The following AFDN variants were observed in gnomAD, a reference collection of about 807,000 sequenced individuals.
The protein encoded by AFDN is afadin.
Under a neutral mutation model 216.6 loss-of-function variants are expected in AFDN, and 68 were observed. That is an observed-to-expected ratio of 0.31 (90% CI 0.26 to 0.38). AFDN has a LOEUF of 0.38. Among genes scored for constraint, AFDN ranks in the 10% least tolerant of loss-of-function variants. The pLI is 1.00. For missense variants in AFDN, 2,136 were observed against 2,342.0 expected (o/e 0.91, Z 1.82); for synonymous variants, 868 against 853.7 (o/e 1.02, Z -0.29).
intron 32 of AFDN, chr6:167,966,259 G>A (rs1369003044): frequency 6.6e-7 from 1 of 1,524,114 alleles, no homozygotes. Flanking sequence ...TACCATCCCA[G>A]CCACTGCAAA....
chr6:167,912,904 G>A (rs75697638), intron 15 of AFDN, among the ~76,000 whole-genome samples: 20,532 of 152,198 alleles, frequency 0.13, 1,717 homozygotes, highest in African/African-American at 0.22. Context: ...TAGTATAGGT[G>A]TAAGTTATTT....
chr6:167,894,833 T>C (rs1368490880), intron 9 of AFDN, among the ~76,000 whole-genome samples: 3 of 152,216 alleles, frequency 2.0e-5, no homozygotes, highest in African/African-American at 7.2e-5. Context: ...TAAGAGACCT[T>C]TCAGAAGCAT....
intron 9 of AFDN, among the ~76,000 whole-genome samples, chr6:167,896,242 A>C (rs1788233561): frequency 6.6e-6 from 1 of 151,870 alleles, no homozygotes; most frequent in Non-Finnish European, 1.5e-5. Flanking sequence ...AAAAAAGCCA[A>C]AAAACCCAGT....
chr6:167,898,706 T>G (rs745720519), intron 11 of AFDN, among the ~76,000 whole-genome samples: 7 of 152,246 alleles, frequency 4.6e-5, no homozygotes, highest in Non-Finnish European at 7.3e-5. Flanking sequence ...ATTTAAACTT[T>G]GTTTTTTAGC....
chr6:167,846,207 C>CT (rs1446963309), intron 1 of AFDN, among the ~76,000 whole-genome samples: 2 of 151,592 alleles, frequency 1.3e-5, no homozygotes, highest in East Asian at 3.9e-4. Flanking sequence ...CTTGGGCGGT[C>CT]TTTTTTTTCC....
At chr6:167,911,729 TG>T (rs1790422772) in intron 15 of AFDN, 1 of 502,836 alleles carries the variant, frequency 2.0e-6, no homozygotes, top group Non-Finnish European at 3.6e-6. Flanking sequence ...TAGTAATAGT[TG>T]TGAGAAAGTG....
intron 23 of AFDN, among the ~76,000 whole-genome samples, chr6:167,927,261 A>G (rs1180212584): frequency 6.6e-6 from 1 of 152,118 alleles, no homozygotes; most frequent in African/African-American, 2.4e-5. Context: ...CATAATTGGG[A>G]TAAAGGAATA....
intron 23 of AFDN, among the ~76,000 whole-genome samples, chr6:167,938,894 T>A (rs1259118874): frequency 6.6e-6 from 1 of 152,202 alleles, no homozygotes; most frequent in Non-Finnish European, 1.5e-5. Flanking sequence ...GCAGAAGAGC[T>A]GACTGGCAGG....
intron 23 of AFDN, among the ~76,000 whole-genome samples, chr6:167,942,408 C>T (rs1022605642): frequency 1.3e-5 from 2 of 152,150 alleles, no homozygotes; most frequent in Admixed American, 1.3e-4. Context: ...TCCATAATAT[C>T]TAAGTAAGAT....
rs182237693 is a variant in AFDN, at chr6:167,956,126, A to C, written c.4833+3939A>C. Among the ~76,000 whole-genome samples, 905 of 150,632 alleles carry C rather than the reference A, an allele frequency of 6.0e-3. 16 individuals are homozygous for C. Among genetic ancestry groups the C allele is most frequent in the African/African-American group, 0.021 (849 of 41,014 alleles). ...CGAGACTTTGGCTCAAAAAAAAAAAAAAAAAAAAAAAAAACTATAGAATTC... is the reference window on the plus strand; with the variant it reads ...CGAGACTTTGGCTCAAAAAAAAAAACAAAAAAAAAAAAAACTATAGAATTC... On this transcript the variant is annotated intron_variant, in intron 30 of 33. Coordinates refer to ENST00000683244, the MANE Select transcript of AFDN (RefSeq NM_001386888.1).
At chr6:167,840,118 G>T (rs1356095213) in intron 1 of AFDN, among the ~76,000 whole-genome samples, 1 of 152,182 alleles carries the variant, frequency 6.6e-6, no homozygotes, top group African/African-American at 2.4e-5. Context: ...ACCTTTCCAG[G>T]ATTTGTCAAG....
rs758457178 is a variant in AFDN at position 167,952,043 on chromosome 6, G to T, written c.4689G>T (p.Arg1563=). 2 of 1,614,112 alleles carry T rather than the reference G, an allele frequency of 1.2e-6. No homozygotes were observed. The highest frequency in any genetic ancestry group is 1.7e-5 in the Admixed American group (1 of 60,010). The change falls in exon 30 of 34, where the codon CGG becomes CGT. Residue 1563 remains arginine (R), a synonymous_variant. Coordinates refer to ENST00000683244, the MANE Select transcript of AFDN (RefSeq NM_001386888.1). ...ACCGCAGCGCCGAGGAGAGCGACCG[G>T]CTGCGCAAGCTCATGCTGGAGTGGC... ...KPDRSAEESD[R]LRKLMLEWQF...
At chr6:167,831,705 G>A (rs1779848710) in intron 1 of AFDN, among the ~76,000 whole-genome samples, 2 of 152,150 alleles carry the variant, frequency 1.3e-5, no homozygotes, top group African/African-American at 4.8e-5. Context: ...TGAAAAACAG[G>A]GATCATAAAT....
At chr6:167,918,073 T>G (rs75811694) in intron 20 of AFDN, among the ~76,000 whole-genome samples, 1,714 of 152,254 alleles carry the variant, frequency 0.011, 30 homozygotes, top group African/African-American at 0.039. Flanking sequence ...TGATAGGGAA[T>G]GGGGTGGCTA....
At position 167,952,198 on chromosome 6, in the gene AFDN, G is replaced by A. The variant is rs1048280027; in HGVS notation, c.4833+11G>A. ...GAACGAAGAGCGAGGGTAAAGGGGG[G>A]AGTGCTTTGGCTGTGCCCATCTGTG... On this transcript the variant is annotated intron_variant, in intron 30 of 33. Transcript: ENST00000683244. The A allele has an allele frequency of 6.8e-6, 11 of 1,613,878 alleles. No homozygotes were observed. The highest frequency in any genetic ancestry group is 1.3e-5 in the African/African-American group (1 of 74,930).
intron 30 of AFDN, among the ~76,000 whole-genome samples, chr6:167,955,008 C>G (rs1360157729): frequency 6.6e-6 from 1 of 152,046 alleles, no homozygotes; most frequent in Non-Finnish European, 1.5e-5. Context: ...ATCAGCCATG[C>G]CAATTTATCA....
chr6:167,907,166 T>C lies in AFDN; in HGVS notation c.1651-5T>C, dbSNP rs1789805315. ...CTAAACCCGTTGTGCTTTCTCTCCATGTAGAGCACCACTAGGCTGGACAGC... is the reference window on the plus strand; with the variant it reads ...CTAAACCCGTTGTGCTTTCTCTCCACGTAGAGCACCACTAGGCTGGACAGC... On this transcript the variant is annotated splice_region_variant and splice_polypyrimidine_tract_variant and intron_variant, in intron 12 of 33. Coordinates refer to ENST00000683244, the MANE Select transcript of AFDN (RefSeq NM_001386888.1). 2.5e-6 allele frequency: 4 copies of C among 1,611,722 alleles called. No individual in the cohort carries two copies. Among genetic ancestry groups the C allele is most frequent in the African/African-American group, 1.3e-5 (1 of 74,962 alleles).
intron 30 of AFDN, chr6:167,954,368 A>G (rs1482912585): frequency 2.9e-6 from 3 of 1,047,004 alleles, no homozygotes; most frequent in African/African-American, 1.6e-5. Flanking sequence ...ATAGTGAGAA[A>G]ATATGCCGAT....
At chr6:167,917,627 G>C (rs1231658591) in intron 20 of AFDN, among the ~76,000 whole-genome samples, 2 of 152,124 alleles carry the variant, frequency 1.3e-5, no homozygotes, top group Non-Finnish European at 2.9e-5. Flanking sequence ...CAGGAGTTTT[G>C]GTATGCCTGC....
Sources: gnomAD v4.1 joint callset for allele counts (sites outside exome capture counted in the v4.1 genomes callset) on GRCh38, gnomAD v4.1.1 for gene constraint, MANE v1.5 for transcripts, NCBI Gene and HGNC (gene_info 2026-07-23, HGNC 2026-07-21) for gene names.